USP9X: variants seen among roughly 807,000 people sequenced by gnomAD.
The protein encoded by USP9X is ubiquitin specific peptidase 9 X-linked.
In USP9X, 7 loss-of-function variants were observed where a neutral mutation model predicts 190.3. That is an observed-to-expected ratio of 0.04 (90% CI 0.02 to 0.07). The LOEUF (loss-of-function observed/expected upper bound fraction) is 0.07. Among genes scored for constraint, USP9X ranks in the 10% least tolerant of loss-of-function variants. USP9X has a pLI of 1.00. For missense variants in USP9X, 1,010 were observed against 1,916.9 expected (o/e 0.53, Z 8.83); for synonymous variants, 645 against 659.5 (o/e 0.98, Z 0.34).
Position 41,111,244 on chromosome X carries a change from C to G in USP9X, c.-158-12227C>G, listed in dbSNP as rs141078493. On this transcript the variant is annotated intron_variant, in intron 1 of 44. Coordinates refer to ENST00000378308, the MANE Select transcript of USP9X (RefSeq NM_001039591.3). ...TAATAAAAGAGACTCCAGGGAGTTC[C>G]CTCACTCTTTCTGCCTTGTGAAGAT... 4.3e-4 allele frequency among the ~76,000 whole-genome samples: 48 copies of G among 111,539 alleles called. 1 individual carries two copies. In the East Asian group the frequency reaches 0.013, roughly 30 times the overall value.
At position 41,230,548 on chromosome X, in the gene USP9X, T is replaced by C. The variant is rs1303202744; in HGVS notation, c.7479T>C (p.Pro2493=). 1 of 1,209,165 alleles carries C rather than the reference T, an allele frequency of 8.3e-7. No individual in the cohort carries two copies. Among genetic ancestry groups the C allele is most frequent in the Non-Finnish European group, 1.1e-6 (1 of 894,939 alleles). The change falls in exon 44 of 45, where the codon CCT becomes CCC. Residue 2493 remains proline (P), a synonymous_variant. Transcript: ENST00000378308. ...CAGATGAACATGAGTCGCCTCCACC[T>C]GAAGATGCCCCATTGTACCCCCATT... ...DAPDEHESPP[P]EDAPLYPHSP... is the part of the protein sequence containing the mutation.
In USP9X at chrX:41,184,057, A is replaced by G. The variant is rs775992687; in HGVS notation, c.3208A>G (p.Ser1070Gly). The G allele has an allele frequency of 5.0e-6, 6 of 1,210,811 alleles. No homozygotes were observed. Among genetic ancestry groups the G allele is most frequent in the Non-Finnish European group, 4.5e-6 (4 of 894,961 alleles). Residue 1070 changes from serine (S) to glycine (G), a missense_variant, in exon 22 of 45, where the codon AGC becomes GGC. Physicochemically the swap from Ser to Gly is moderately conservative, Grantham distance 56. Around this residue, in one of 11 missense-constraint regions of USP9X, gnomAD observed 351 missense variants for 480.8 expected, o/e 0.73. Coordinates refer to ENST00000378308, the MANE Select transcript of USP9X (RefSeq NM_001039591.3). ...TTTAGACCATGCCAAACTTGGAGAA[A>G]GCAGCCTTAGTCCATCTCTTGACTC... ...ICLDHAKLGE[S>G]SLSPSLDSLF...
chrX:41,144,155 A>G (rs2062445205), intron 10 of USP9X, among the ~76,000 whole-genome samples: 1 of 110,994 alleles, frequency 9.0e-6, no homozygotes, highest in Admixed American at 9.7e-5. Context: ...AGCTGTATTT[A>G]TTATATCATG....
chrX:41,183,752 C>T (rs1280803605), intron 21 of USP9X, among the ~76,000 whole-genome samples: 2 of 111,176 alleles, frequency 1.8e-5, no homozygotes, highest in Non-Finnish European at 3.8e-5. Flanking sequence ...GATTTGAGGT[C>T]CCTGAGTAGC....
intron 38 of USP9X, among the ~76,000 whole-genome samples, chrX:41,222,435 A>T (rs1272660682): frequency 8.9e-6 from 1 of 112,064 alleles, no homozygotes; most frequent in Non-Finnish European, 1.9e-5. Context: ...GAGGAATAGA[A>T]AATGAGAAAG....
At chrX:41,170,919 G>A (rs1445070946) in intron 20 of USP9X, among the ~76,000 whole-genome samples, 2 of 111,552 alleles carry the variant, frequency 1.8e-5, no homozygotes, top group African/African-American at 3.3e-5. Context: ...GTCATCCCTC[G>A]TATACGTGGA....
intron 14 of USP9X, among the ~76,000 whole-genome samples, chrX:41,162,273 C>T (rs1025386532): frequency 1.8e-5 from 2 of 112,190 alleles, no homozygotes; most frequent in African/African-American, 6.5e-5. Flanking sequence ...GAAAATGACA[C>T]ATTCTGGACA....
chrX:41,164,666 G>A (rs1432905401), intron 15 of USP9X, among the ~76,000 whole-genome samples: 1 of 112,048 alleles, frequency 8.9e-6, no homozygotes, highest in East Asian at 2.8e-4. Context: ...TTACTCCGAA[G>A]CAACACAGTG....
chrX:41,137,315 A>G (rs2062383652), intron 6 of USP9X, among the ~76,000 whole-genome samples: 1 of 111,428 alleles, frequency 9.0e-6, no homozygotes, highest in African/African-American at 3.3e-5. Flanking sequence ...TCTTTGACCA[A>G]GGACTCAATT....
At chrX:41,163,038 C>T (rs1025476883) in intron 15 of USP9X, among the ~76,000 whole-genome samples, 161 bp downstream of exon 15, 2 of 112,240 alleles carry the variant, frequency 1.8e-5, no homozygotes, top group Admixed American at 9.4e-5. Context: ...TAAAATGATT[C>T]GCTGAGTTTT....
chrX:41,148,580 G>T lies in USP9X; in HGVS notation c.1626+5G>T. 1 of 1,208,579 alleles carries T rather than the reference G, an allele frequency of 8.3e-7. No individual in the cohort carries two copies. On this transcript the variant is annotated splice_donor_5th_base_variant and intron_variant, in intron 12 of 44. Coordinates refer to ENST00000378308, the MANE Select transcript of USP9X (RefSeq NM_001039591.3). The stretch of plus-strand genomic sequence containing the variant: ...CTAGATTACAGTTGCTCCCAGGTAA[G>T]AGTGTACTGCTTTGCTCACTTTTTG...
intron 1 of USP9X, among the ~76,000 whole-genome samples, chrX:41,091,661 C>T (rs193159770): frequency 9.0e-6 from 1 of 111,703 alleles, no homozygotes; most frequent in Non-Finnish European, 1.9e-5. Flanking sequence ...ACTTTTCTTA[C>T]TAATCTCATT....
Position 41,232,682 on chromosome X carries a change from C to T in USP9X, c.*158C>T. ...TGTCTTATCTGCAGAAATTTGCTGT[C>T]AATATATAACCCGCCTGCAGTGGAA... On this transcript the variant is annotated 3_prime_UTR_variant, in exon 45 of 45. Coordinates refer to ENST00000378308, the MANE Select transcript of USP9X (RefSeq NM_001039591.3). The T allele has an allele frequency of 1.5e-6, 1 of 687,668 alleles. No homozygotes were observed. Among genetic ancestry groups the T allele is most frequent in the Non-Finnish European group, 2.1e-6 (1 of 478,657 alleles). The allele number at this position is 687,668 out of a possible 1,213,427, so 56.7% of individuals were successfully genotyped here.
chrX:41,123,312 A>C (rs2062206411), intron 1 of USP9X, among the ~76,000 whole-genome samples, 159 bp from the exon 2 acceptor site: 1 of 111,913 alleles, frequency 8.9e-6, no homozygotes, highest in Non-Finnish European at 1.9e-5. Context: ...TTTTAAGTTA[A>C]ATGTAGTATT....
intron 16 of USP9X, chrX:41,167,169 G>A (rs2062685241): frequency 1.6e-5 from 3 of 184,832 alleles, no homozygotes; most frequent in Non-Finnish European, 9.9e-6. Flanking sequence ...CAACTAATTT[G>A]AATTTCTTCT....
At position 41,170,179 on chromosome X, in the gene USP9X, A is replaced by T; in HGVS notation, c.2821A>T (p.Ile941Leu). 1 of 1,211,789 alleles carries T rather than the reference A, an allele frequency of 8.3e-7. No homozygotes were observed. The highest frequency in any genetic ancestry group is 3.0e-5 in the East Asian group (1 of 33,843). The change falls in exon 19 of 45, where the codon ATA becomes TTA. Residue 941 changes from isoleucine to leucine, a missense_variant. By Grantham distance (5) the Ile-to-Leu change is conservative. Around this residue, in one of 11 missense-constraint regions of USP9X, gnomAD observed 351 missense variants for 480.8 expected, o/e 0.73. Transcript: ENST00000378308. Reference protein sequence around the residue: ...KIELFVGGELIDPADDRKLIG... With the variant: ...KIELFVGGELLDPADDRKLIG... ...TGAGCTCTTTGTGGGCGGTGAGCTG[A>T]TAGATCCTGCAGATGATAGAAAGTT...
chrX:41,175,462 A>G (rs981689916), intron 21 of USP9X, among the ~76,000 whole-genome samples: 1 of 109,881 alleles, frequency 9.1e-6, no homozygotes, highest in East Asian at 2.8e-4. Context: ...TGGAGACTGC[A>G]TTGAGCTATA....
At chrX:41,147,201 A>G (rs1382913042) in intron 11 of USP9X, among the ~76,000 whole-genome samples, 1 of 107,296 alleles carries the variant, frequency 9.3e-6, no homozygotes, top group African/African-American at 3.4e-5. Context: ...ATTTTACTAG[A>G]GCATATCTCA....
At chrX:41,196,486 A>C in intron 27 of USP9X, 106 bp from the exon 28 acceptor site, 1 of 1,091,499 alleles carries the variant, frequency 9.2e-7, no homozygotes, top group Non-Finnish European at 1.2e-6. Context: ...GTACTACTTT[A>C]TTTCCCGCAC....
Sources: gnomAD v4.1 joint callset for allele counts (sites outside exome capture counted in the v4.1 genomes callset) on GRCh38, gnomAD v4.1.1 for gene constraint, gnomAD v4.1.1 regional missense constraint, MANE v1.5 for transcripts, NCBI Gene and HGNC (gene_info 2026-07-23, HGNC 2026-07-21) for gene names.